The following CD163L1 variants were observed in gnomAD, a reference collection of about 807,000 sequenced individuals.
CD163L1 encodes the protein scavenger receptor cysteine-rich type 1 protein M160.
Under a neutral mutation model 165.4 loss-of-function variants are expected in CD163L1, and 124 were observed. The ratio of observed to expected loss-of-function variants is 0.75; its 90% CI spans 0.65 to 0.87. The LOEUF is 0.87. Ranked by LOEUF, CD163L1 falls within the 40% of genes least tolerant of loss-of-function variation. The pLI is 0.00. For missense variants in CD163L1, 1,525 were observed against 1,799.9 expected, an observed-to-expected ratio of 0.85 and a Z score of 2.76; for synonymous variants, 585 against 662.2, an observed-to-expected ratio of 0.88 and a Z score of 1.79.
intron 18 of CD163L1, among the ~76,000 whole-genome samples, chr12:7,363,711 C>A (rs1946953634): frequency 6.6e-6 from 1 of 151,246 alleles, no homozygotes; most frequent in Non-Finnish European, 1.5e-5. Flanking sequence ...TACAAACCTA[C>A]CAACACCGTG....
intron 2 of CD163L1, among the ~76,000 whole-genome samples, chr12:7,437,804 T>C (rs1948759576): frequency 6.6e-6 from 1 of 151,868 alleles, no homozygotes; most frequent in South Asian, 2.1e-4. Context: ...CAAAAGAATT[T>C]TGCTTCCTCA....
rs900402435 is a variant in CD163L1, at chr12:7,379,187, A to G, written c.2162T>C (p.Met721Thr). 4 of 1,614,054 alleles carry G rather than the reference A, an allele frequency of 2.5e-6. No homozygotes were observed. Among genetic ancestry groups the G allele is most frequent in the Non-Finnish European group, 8.5e-7 (1 of 1,180,028 alleles). The part of the protein sequence containing the change: ...VGILCANGWG[M>T]NIAEVVCRQL... ...CCTGCAAACAACTTCAGCAATGTTC[A>G]TTCCCCAGCCATTAGCACACAGAAT... is the stretch of plus-strand genomic sequence containing the variant. The change falls in exon 9 of 20, where the codon ATG (methionine) becomes ACG (threonine). Residue 721 changes from methionine (M) to threonine (T), a missense_variant. Transcript: ENST00000313599.
chr12:7,401,758 CA>C (rs1247220048), intron 6 of CD163L1, among the ~76,000 whole-genome samples: 1 of 151,256 alleles, frequency 6.6e-6, no homozygotes, highest in African/African-American at 2.4e-5. Flanking sequence ...ACATAAACAA[CA>C]AAAAAATCAC....
chr12:7,384,518 A>G (rs953632577), intron 8 of CD163L1, among the ~76,000 whole-genome samples: 19 of 152,190 alleles, frequency 1.2e-4, no homozygotes, highest in African/African-American at 4.6e-4. Context: ...TGAAAAGCCC[A>G]AGATAAAAAA....
Position 7,369,556 on chromosome 12 carries a change from C to A in CD163L1, c.3840G>T (p.Ala1280=). The A allele has an allele frequency of 6.2e-7, 1 of 1,614,200 alleles. No individual in the cohort carries two copies. The highest frequency in any genetic ancestry group is 8.5e-7 in the Non-Finnish European group (1 of 1,180,034). The change falls in exon 15 of 20, where the codon GCG becomes GCT. Residue 1280 remains alanine, a synonymous_variant. Coordinates refer to ENST00000313599, the MANE Select transcript of CD163L1 (RefSeq NM_174941.6). The surrounding 1 kb of genome is among the most constrained non-coding windows in gnomAD (Gnocchi z 4.9). ...VCDDSWDLAE[A]EVVCQQLGCG... is the part of the protein sequence containing the mutation. ...AGCCCAGCTGCTGACACACCACTTC[C>A]GCCTCGGCCAGGTCCCAGGAGTCAT...
intron 17 of CD163L1, 150 bp from the exon 18 acceptor site, chr12:7,367,481 T>C: frequency 2.0e-6 from 1 of 493,322 alleles, no homozygotes; most frequent in Non-Finnish European, 3.7e-6. Flanking sequence ...GTGAATTTTT[T>C]ACATTTTTAA....
intron 18 of CD163L1, among the ~76,000 whole-genome samples, chr12:7,366,250 AG>A (rs918415938): frequency 1.6e-4 from 24 of 151,836 alleles, no homozygotes; most frequent in East Asian, 1.4e-3. Flanking sequence ...CGGAAAGGGT[AG>A]GGGAAAGGGA....
At chr12:7,382,802 C>G (rs1189891579) in intron 8 of CD163L1, among the ~76,000 whole-genome samples, 4 of 152,172 alleles carry the variant, frequency 2.6e-5, no homozygotes, top group Non-Finnish European at 5.9e-5. Context: ...CCCCAGTAAG[C>G]CCTACATCTC....
At chr12:7,334,133 C>CATT in the CD163L1 span, among the ~76,000 whole-genome samples, 4 of 151,794 alleles carry the variant, frequency 2.6e-5, no homozygotes, top group African/African-American at 9.7e-5. Flanking sequence ...CTCCCTAACT[C>CATT]ATTTTATGAG....
intron 18 of CD163L1, among the ~76,000 whole-genome samples, chr12:7,358,084 A>G (rs1946815913): frequency 1.3e-5 from 2 of 152,284 alleles, no homozygotes; most frequent in South Asian, 2.1e-4. Context: ...TCTTAGGTCC[A>G]TCAAAGAACT....
At chr12:7,364,035 C>G (rs754971525) in intron 18 of CD163L1, among the ~76,000 whole-genome samples, 2 of 152,000 alleles carry the variant, frequency 1.3e-5, no homozygotes, top group Non-Finnish European at 2.9e-5. Flanking sequence ...TGTAAAAATC[C>G]TCACCAAAAT....
the CD163L1 span, among the ~76,000 whole-genome samples, chr12:7,340,136 C>CA: frequency 3.9e-5 from 6 of 152,086 alleles, no homozygotes; most frequent in Non-Finnish European, 1.5e-5. Flanking sequence ...TCTTTGTGCC[C>CA]ACTGCTGCAC....
At chr12:7,394,257 G>A (rs1468146490) in intron 8 of CD163L1, among the ~76,000 whole-genome samples, 1 of 152,040 alleles carries the variant, frequency 6.6e-6, no homozygotes, top group Non-Finnish European at 1.5e-5. Context: ...ATAGACAAAT[G>A]GAACAGAACA....
At chr12:7,377,986 A>C (rs1947307337) in intron 9 of CD163L1, among the ~76,000 whole-genome samples, 1 of 152,032 alleles carries the variant, frequency 6.6e-6, no homozygotes, top group Non-Finnish European at 1.5e-5. Context: ...TCTCATATCC[A>C]ATTTCCTCCA....
chr12:7,346,883 T>C (rs7302538), exon 5 of CD163L1: 139,366 of 152,276 alleles, frequency 0.92, 64,029 homozygotes, highest in Non-Finnish European at 0.95. Context: ...ATTCTTCCTG[T>C]TAGGGATTGT....
chr12:7,323,420 A>T, the CD163L1 span: 5 of 1,607,950 alleles, frequency 3.1e-6, no homozygotes, highest in Non-Finnish European at 4.3e-6. Flanking sequence ...TTTTGTGAAA[A>T]GAAAATTTTA....
chr12:7,436,471 C>T (rs773985475), intron 2 of CD163L1, among the ~76,000 whole-genome samples: 3 of 152,236 alleles, frequency 2.0e-5, no homozygotes, highest in Admixed American at 1.3e-4. Context: ...ATCTCAACAG[C>T]ATTTAAAATG....
Position 7,406,848 on chromosome 12 carries a change from A to G in CD163L1, c.771T>C (p.Ser257=). 1 of 1,613,272 alleles carries G rather than the reference A, an allele frequency of 6.2e-7. No homozygotes were observed. The highest frequency in any genetic ancestry group is 8.5e-7 in the Non-Finnish European group (1 of 1,179,738). ...CTACAAGCCTTAGTTCAAGATCACT[A>G]CTATCTGAAACAGAGATATAAACAC... ...NEDVTLTCYD[S]SDLELRLVGG... Residue 257 remains serine (S), a synonymous_variant, in exon 5 of 20, where the codon AGT becomes AGC. Transcript: ENST00000313599.
intron 5 of CD163L1, among the ~76,000 whole-genome samples, chr12:7,404,986 C>A (rs1947989176): frequency 6.6e-6 from 1 of 152,056 alleles, no homozygotes; most frequent in South Asian, 2.1e-4. Context: ...AAAAAAAATC[C>A]TCTGACTACA....
Sources: allele counts gnomAD v4.1 joint callset (sites outside exome capture counted in the v4.1 genomes callset), GRCh38; gene constraint gnomAD v4.1.1; non-coding constraint Gnocchi (gnomAD v3.1); transcripts MANE v1.5; gene names NCBI Gene and HGNC (gene_info 2026-07-23, HGNC 2026-07-21).